Variants in PFKFB3 observed in about 807,000 individuals in gnomAD.
The protein encoded by PFKFB3 is 6-phosphofructo-2-kinase/fructose-2,6-bisphosphatase 3.
A neutral mutation model predicts 68.0 loss-of-function variants in PFKFB3; 33 were observed. The ratio of observed to expected loss-of-function variants is 0.49; its 90% confidence interval spans 0.37 to 0.65. The LOEUF (loss-of-function observed/expected upper bound fraction) is 0.65, where lower values mean the gene tolerates loss of function less well. Among genes scored for constraint, PFKFB3 ranks in the 30% least tolerant of loss-of-function variants. The pLI, the probability that PFKFB3 is intolerant of heterozygous loss-of-function variation, is 0.00. For synonymous variants in PFKFB3, 315 were observed against 288.2 expected, an observed-to-expected ratio of 1.09 and a Z score of -0.94; for missense variants, 586 against 712.2, an observed-to-expected ratio of 0.82 and a Z score of 2.02.
chr10:6,252,861 G>A (rs941471812), intron 14 of PFKFB3, among the ~76,000 whole-genome samples: 1 of 152,180 alleles, frequency 6.6e-6, no homozygotes, highest in Non-Finnish European at 1.5e-5. Context: ...AGAAGTAGGG[G>A]AGAGGGATGA....
intron 1 of PFKFB3, among the ~76,000 whole-genome samples, chr10:6,145,966 C>T (rs1841376814): frequency 6.6e-6 from 1 of 152,238 alleles, no homozygotes; most frequent in Admixed American, 6.5e-5. Flanking sequence ...GAAGTGGGAG[C>T]TGCAGAAGTG....
chr10:6,177,911 G>C (rs1236930719), intron 1 of PFKFB3, among the ~76,000 whole-genome samples: 1 of 152,156 alleles, frequency 6.6e-6, no homozygotes, highest in Non-Finnish European at 1.5e-5. Flanking sequence ...GGACACACTG[G>C]GAGTGGATAC....
At chr10:6,180,238 A>G (rs1842672010) in intron 1 of PFKFB3, among the ~76,000 whole-genome samples, 1 of 152,126 alleles carries the variant, frequency 6.6e-6, no homozygotes, top group Non-Finnish European at 1.5e-5. Context: ...GGAATGAATG[A>G]ATGATTGCTT....
intron 1 of PFKFB3, among the ~76,000 whole-genome samples, chr10:6,205,836 CA>C (rs1038748708): frequency 1.1e-4 from 17 of 151,968 alleles, no homozygotes; most frequent in African/African-American, 4.1e-4. Context: ...CTCACACTGT[CA>C]CCCAGGCTGG....
intron 10 of PFKFB3, among the ~76,000 whole-genome samples, chr10:6,222,118 C>T (rs753177949): frequency 1.3e-5 from 2 of 152,102 alleles, no homozygotes; most frequent in Non-Finnish European, 2.9e-5. Flanking sequence ...ACGCTGTTGC[C>T]TCCTCTGCCG....
At chr10:6,202,378 G>A (rs1079445), upstream of PFKFB3, 6,303 of 152,484 alleles carry the variant, frequency 0.041, 165 homozygotes, top group East Asian at 0.13. Context: ...CGGGTCGCCC[G>A]GGTCGTGGCG....
intron 14 of PFKFB3, chr10:6,231,136 C>T: frequency 1.4e-6 from 1 of 732,826 alleles, no homozygotes; most frequent in South Asian, 1.6e-5. Flanking sequence ...CGAGAGATCA[C>T]CTGGCATTTG....
At chr10:6,291,405 A>G in the PFKFB3 span, among the ~76,000 whole-genome samples, 1 of 152,290 alleles carries the variant, frequency 6.6e-6, no homozygotes, top group African/African-American at 2.4e-5. Context: ...TAAAAAGATT[A>G]GCTGGGCATG....
chr10:6,183,787 A>AAGTGACCCTTGTG (rs1471751451), intron 1 of PFKFB3, among the ~76,000 whole-genome samples: 1 of 150,324 alleles, frequency 6.7e-6, no homozygotes, highest in Non-Finnish European at 1.5e-5. Flanking sequence ...TCCCGGGTTC[A>AAGTGACCCTTGTG]CGCCATTCTC....
At chr10:6,283,705 T>G in the PFKFB3 span, among the ~76,000 whole-genome samples, 2 of 152,220 alleles carry the variant, frequency 1.3e-5, no homozygotes, top group African/African-American at 4.8e-5. Flanking sequence ...TCAGTTGCTG[T>G]GGACCCCCAG....
At chr10:6,148,937 G>A (rs1368180632) in intron 1 of PFKFB3, among the ~76,000 whole-genome samples, 1 of 152,056 alleles carries the variant, frequency 6.6e-6, no homozygotes, top group Non-Finnish European at 1.5e-5. Context: ...AAATCAGCTG[G>A]GGGTGGTGGC....
intron 1 of PFKFB3, among the ~76,000 whole-genome samples, chr10:6,195,088 T>G (rs1438515329): frequency 6.6e-6 from 1 of 152,122 alleles, no homozygotes; most frequent in African/African-American, 2.4e-5. Context: ...GTCAGTCTGG[T>G]CTTGAACTCC....
chr10:6,322,493 T>C, the PFKFB3 span, among the ~76,000 whole-genome samples: 1 of 152,334 alleles, frequency 6.6e-6, no homozygotes, highest in African/African-American at 2.4e-5. Context: ...CTTTGAACAA[T>C]GTCAATCACA....
At chr10:6,270,446 G>A in the PFKFB3 span, among the ~76,000 whole-genome samples, 238 of 152,264 alleles carry the variant, frequency 1.6e-3, 1 homozygote, top group Non-Finnish European at 3.1e-3. Flanking sequence ...TTGCTCTTGC[G>A]TTTAATGACA....
At chr10:6,295,601 T>C in the PFKFB3 span, among the ~76,000 whole-genome samples, 7 of 152,020 alleles carry the variant, frequency 4.6e-5, no homozygotes, top group Non-Finnish European at 7.4e-5. Flanking sequence ...GTGTGGGGGT[T>C]AGGGAAGCAT....
At chr10:6,296,724 T>C in the PFKFB3 span, among the ~76,000 whole-genome samples, 1 of 152,218 alleles carries the variant, frequency 6.6e-6, no homozygotes, top group South Asian at 2.1e-4. Flanking sequence ...AGCATGCTAA[T>C]GCATTATAAT....
At chr10:6,249,178 T>TAAAAAAAAAAA (rs71391803) in intron 14 of PFKFB3, among the ~76,000 whole-genome samples, 842 of 75,950 alleles carry the variant, frequency 0.011, 1 homozygote, top group Middle Eastern at 0.024. Flanking sequence ...CCGTCTCAAT[T>TAAAAAAAAAAA]AAAAAAAAAA....
At chr10:6,145,699 G>A (rs527423076) in intron 1 of PFKFB3, among the ~76,000 whole-genome samples, 1 of 152,346 alleles carries the variant, frequency 6.6e-6, no homozygotes, top group South Asian at 2.1e-4. Flanking sequence ...CCGACAGATG[G>A]CTAGGGACGG....
the PFKFB3 span, among the ~76,000 whole-genome samples, chr10:6,271,794 T>A: frequency 8.5e-5 from 13 of 152,218 alleles, no homozygotes; most frequent in African/African-American, 2.9e-4. Flanking sequence ...CCTATGGGTA[T>A]CTGTGTGTGC....
Sources: allele counts gnomAD v4.1 joint callset (sites outside exome capture counted in the v4.1 genomes callset), GRCh38; gene constraint gnomAD v4.1.1; transcripts MANE v1.5; gene names NCBI Gene and HGNC (gene_info 2026-07-23, HGNC 2026-07-21).